FSTL5: variants seen among roughly 807,000 people sequenced by gnomAD.
FSTL5 encodes follistatin like 5, also known as follistatin-related protein 5.
FSTL5 carries 62 observed loss-of-function variants against 89.1 expected under a neutral mutation model. That is an observed-to-expected ratio of 0.70 (90% CI 0.57 to 0.86). The LOEUF is 0.86. FSTL5 is among the 40% of genes least tolerant of loss of function. The pLI, the probability that FSTL5 is intolerant of heterozygous loss-of-function variation, is 0.00. For synonymous variants in FSTL5, 383 were observed against 346.2 expected (o/e 1.11, Z -1.18); for missense variants, 1,057 against 1,001.6 (o/e 1.06, Z -0.75).
intron 4 of FSTL5, among the ~76,000 whole-genome samples, chr4:161,904,320 A>G (rs1040444849): frequency 2.0e-5 from 3 of 152,104 alleles, no homozygotes; most frequent in African/African-American, 7.2e-5. Context: ...CTAAGGACTC[A>G]AGAGGATCAT....
chr4:162,003,599 A>C (rs1736528825), intron 3 of FSTL5, among the ~76,000 whole-genome samples: 1 of 152,220 alleles, frequency 6.6e-6, no homozygotes, highest in Non-Finnish European at 1.5e-5. Context: ...TTTTACTCAC[A>C]ACGAATGACA....
At chr4:161,843,507 T>C (rs1186941288) in intron 4 of FSTL5, among the ~76,000 whole-genome samples, 2 of 152,126 alleles carry the variant, frequency 1.3e-5, no homozygotes, top group Non-Finnish European at 2.9e-5. Flanking sequence ...AGGTATTTTA[T>C]TCTCTTTGTA....
At chr4:161,601,012 A>C (rs1411601151) in intron 7 of FSTL5, among the ~76,000 whole-genome samples, 1 of 152,168 alleles carries the variant, frequency 6.6e-6, no homozygotes, top group Non-Finnish European at 1.5e-5. Flanking sequence ...TTGGAAGAAA[A>C]CAAGGAACCA....
chr4:161,660,339 A>G (rs562740159), intron 6 of FSTL5, among the ~76,000 whole-genome samples: 1 of 152,284 alleles, frequency 6.6e-6, no homozygotes, highest in East Asian at 1.9e-4. Flanking sequence ...TGCTAGAAGA[A>G]TCTGAAGCCA....
intron 15 of FSTL5, among the ~76,000 whole-genome samples, chr4:161,414,728 G>GA (rs1468421131): frequency 1.3e-5 from 2 of 151,628 alleles, no homozygotes; most frequent in Admixed American, 6.6e-5. Flanking sequence ...TCTGCATTTG[G>GA]AAAAAAAATT....
intron 8 of FSTL5, among the ~76,000 whole-genome samples, chr4:161,563,591 G>T (rs1319348259): frequency 6.6e-6 from 1 of 151,798 alleles, no homozygotes; most frequent in Non-Finnish European, 1.5e-5. Flanking sequence ...CAATCTTACT[G>T]CTTCCTCCAT....
At chr4:161,386,983 C>T (rs1450298145) in intron 15 of FSTL5, 2 of 153,974 alleles carry the variant, frequency 1.3e-5, no homozygotes, top group Non-Finnish European at 2.9e-5. Context: ...TAATGATATG[C>T]CTGCATTTTA....
chr4:161,454,318 A>T (rs1488134112), intron 15 of FSTL5, among the ~76,000 whole-genome samples: 1 of 152,196 alleles, frequency 6.6e-6, no homozygotes, highest in East Asian at 1.9e-4. Context: ...TTAAAGATAC[A>T]TAATACTAAA....
At chr4:162,014,416 A>G (rs1328713510) in intron 3 of FSTL5, among the ~76,000 whole-genome samples, 1 of 152,206 alleles carries the variant, frequency 6.6e-6, no homozygotes, top group Non-Finnish European at 1.5e-5. Flanking sequence ...TCCACTTTGC[A>G]TTCAGGGCTA....
At chr4:162,132,336 T>C (rs540803719) in intron 1 of FSTL5, among the ~76,000 whole-genome samples, 7 of 152,250 alleles carry the variant, frequency 4.6e-5, no homozygotes, top group African/African-American at 1.7e-4. Context: ...AATCCATTCT[T>C]TCTAAACTGA....
chr4:161,460,562 G>T lies in FSTL5; in HGVS notation c.1609-1243C>A, dbSNP rs535694660. ...TGTTCTTCTCAGCACATTAGTAACA[G>T]GTAAACTATTGTTGTGGTTGGAAAT... On this transcript the variant is annotated intron_variant, in intron 13 of 15. Transcript: ENST00000306100. 3.9e-5 allele frequency among the ~76,000 whole-genome samples: 6 copies of T among 152,116 alleles called. No homozygotes were observed. In the South Asian group the frequency reaches 1.0e-3, roughly 26 times the overall value.
intron 13 of FSTL5, among the ~76,000 whole-genome samples, chr4:161,468,590 T>G (rs1251677481): frequency 1.3e-5 from 2 of 152,144 alleles, no homozygotes; most frequent in Non-Finnish European, 2.9e-5. Flanking sequence ...ATACACATTT[T>G]TAGATTAACA....
At chr4:162,074,346 TTTTAA>T (rs1366624521) in intron 2 of FSTL5, among the ~76,000 whole-genome samples, 2 of 151,784 alleles carry the variant, frequency 1.3e-5, no homozygotes, top group African/African-American at 4.8e-5. Flanking sequence ...TTTTTATTTT[TTTTAA>T]TTTGAGTCTT....
intron 2 of FSTL5, among the ~76,000 whole-genome samples, chr4:162,091,397 T>C (rs1730544017): frequency 6.6e-6 from 1 of 152,182 alleles, no homozygotes; most frequent in African/African-American, 2.4e-5. Context: ...TCAACTACTA[T>C]CAGTTGTGAC....
rs181241741 is a variant in FSTL5, at chr4:161,654,568, T to A, written c.894+1760A>T. ...CACATATATGCAAACTTAGAAAAGC[T>A]CTATCAAAATAAAAAAAGATAAAAA... On this transcript the variant is annotated intron_variant, in intron 7 of 15. Coordinates refer to ENST00000306100, the MANE Select transcript of FSTL5 (RefSeq NM_020116.5). 6.0e-3 allele frequency among the ~76,000 whole-genome samples: 912 copies of A among 152,176 alleles called. 9 individuals carry two copies. Among genetic ancestry groups the A allele is most frequent in the South Asian group, 0.045 (218 of 4,824 alleles).
chr4:161,420,707 T>A (rs966797626), intron 15 of FSTL5, among the ~76,000 whole-genome samples: 2 of 151,246 alleles, frequency 1.3e-5, no homozygotes, highest in African/African-American at 4.8e-5. Flanking sequence ...AGGATATGAA[T>A]ACCATTCATA....
chr4:161,791,199 C>T (rs1385899754), intron 4 of FSTL5, among the ~76,000 whole-genome samples: 1 of 107,832 alleles, frequency 9.3e-6, no homozygotes, highest in Non-Finnish European at 2.3e-5. Context: ...AAAATTGCAC[C>T]ATAGAAGAAA....
chr4:161,600,805 G>T (rs1273270742), intron 7 of FSTL5, among the ~76,000 whole-genome samples: 1 of 151,988 alleles, frequency 6.6e-6, no homozygotes, highest in African/African-American at 2.4e-5. Flanking sequence ...CAGACTTCTG[G>T]CCTTATCTTG....
chr4:161,687,994 G>A (rs936721756), intron 6 of FSTL5, among the ~76,000 whole-genome samples: 2 of 152,174 alleles, frequency 1.3e-5, no homozygotes, highest in African/African-American at 2.4e-5. Flanking sequence ...CATAAGGAGA[G>A]GCTGGCACCT....
Sources: gnomAD v4.1 joint callset for allele counts (sites outside exome capture counted in the v4.1 genomes callset) on GRCh38, gnomAD v4.1.1 for gene constraint, MANE v1.5 for transcripts, NCBI Gene and HGNC (gene_info 2026-07-23, HGNC 2026-07-21) for gene names.